ATP13A1: variants seen among roughly 807,000 people sequenced by gnomAD.
ATP13A1 encodes the protein endoplasmic reticulum transmembrane helix translocase.
In ATP13A1, 55 loss-of-function variants were observed where a neutral mutation model predicts 134.8. The ratio of observed to expected loss-of-function variants is 0.41; its 90% CI spans 0.33 to 0.51. The LOEUF (loss-of-function observed/expected upper bound fraction) is 0.51, where lower values mean the gene tolerates loss of function less well. Among genes scored for constraint, ATP13A1 ranks in the 20% least tolerant of loss-of-function variants. The pLI is 0.29. For missense variants in ATP13A1, 1,389 were observed against 1,652.8 expected, an observed-to-expected ratio of 0.84 and a Z score of 2.77; for synonymous variants, 775 against 725.1, an observed-to-expected ratio of 1.07 and a Z score of -1.10.
chr19:19,658,425 C>T (rs967573475), intron 3 of ATP13A1, among the ~76,000 whole-genome samples: 11 of 152,168 alleles, frequency 7.2e-5, no homozygotes, highest in Middle Eastern at 3.2e-3. Flanking sequence ...TGAAAGGGAA[C>T]GTAGTTGCCA....
chr19:19,657,071 C>G lies in ATP13A1; in HGVS notation c.829G>C (p.Glu277Gln). ...VFTLSMLVAF[E>Q]ASLVQQQMRN... ...ATCTGCTGCTGCACCAGCGAGGCCTCGAACGCCACCAGCATGGATAGCGTA... is the reference window on the plus strand; with the variant it reads ...ATCTGCTGCTGCACCAGCGAGGCCTGGAACGCCACCAGCATGGATAGCGTA... The change falls in exon 5 of 26, where the codon GAG becomes CAG. Residue 277 changes from glutamate to glutamine, a missense_variant. This residue lies in a region of ATP13A1 where 747 missense variants were observed against 956.1 expected (regional missense o/e 0.78). Coordinates refer to ENST00000357324, the MANE Select transcript of ATP13A1 (RefSeq NM_020410.3). The G allele has an allele frequency of 6.5e-7, 1 of 1,549,822 alleles. No individual in the cohort carries two copies. The highest frequency in any genetic ancestry group is 2.3e-5 in the East Asian group (1 of 43,976).
chr19:19,646,453 C>T, intron 22 of ATP13A1, 106 bp from the exon 23 acceptor site: 4 of 1,322,760 alleles, frequency 3.0e-6, no homozygotes, highest in South Asian at 2.7e-5. Flanking sequence ...ACCTTGTGTA[C>T]AGCCACCACC....
intron 3 of ATP13A1, among the ~76,000 whole-genome samples, chr19:19,659,047 C>T (rs185444697): frequency 8.5e-5 from 13 of 152,362 alleles, no homozygotes; most frequent in Admixed American, 5.2e-4. Flanking sequence ...CCCCAGGGCA[C>T]GGGCTTCCAG....
intron 1 of ATP13A1, chr19:19,660,484 TA>T (rs1200745255): frequency 1.9e-3 from 217 of 113,174 alleles, no homozygotes; most frequent in South Asian, 4.5e-3. Flanking sequence ...CTATCTCAAT[TA>T]AAAAAAAAAA....
rs1301745268 is a variant in ATP13A1, at chr19:19,647,897, C to T, written c.2633-138G>A. 3 of 1,144,006 alleles carry T rather than the reference C, an allele frequency of 2.6e-6. No homozygotes were observed. Among genetic ancestry groups the T allele is most frequent in the African/African-American group, 3.1e-5 (2 of 63,832 alleles). The allele number at this position is 1,144,006 out of a possible 1,614,324, so 70.9% of individuals were successfully genotyped here. ...TCCCAGACTTCCCCATTTCACCTGACACCCTAAGGAGACCTCAGAGAGTGC... is the reference window on the plus strand; with the variant it reads ...TCCCAGACTTCCCCATTTCACCTGATACCCTAAGGAGACCTCAGAGAGTGC... On this transcript the variant is annotated intron_variant, in intron 19 of 25. Transcript: ENST00000357324. The surrounding 1 kb of genome is among the most constrained non-coding windows in gnomAD (Gnocchi z 4.8).
Position 19,663,619 on chromosome 19 carries a change from C to T in ATP13A1, c.48G>A (p.Arg16=). The change falls in exon 1 of 26, where the codon CGG becomes CGA. Residue 16 remains arginine (R), a synonymous_variant. Transcript: ENST00000357324. ...AVGNAVPCGA[R]PCGVRPDGQP... Reference sequence around the variant, plus strand: ...GCCCGTCAGGCCGGACCCCGCAAGGCCGGGCCCCGCAGGGCACCGCGTTGC... The same window carrying T: ...GCCCGTCAGGCCGGACCCCGCAAGGTCGGGCCCCGCAGGGCACCGCGTTGC... 1 of 1,373,158 alleles carries T rather than the reference C, an allele frequency of 7.3e-7. No individual in the cohort carries two copies. The highest frequency in any genetic ancestry group is 1.5e-5 in the African/African-American group (1 of 65,490). The allele number at this position is 1,373,158 out of a possible 1,614,324, so 85.1% of individuals were successfully genotyped here. A position where few individuals can be genotyped will look rare whatever the true frequency, so the allele number is the denominator to read the frequency against.
rs2062056858 is a variant in ATP13A1 at position 19,656,217 on chromosome 19, G to A, written c.1084-34C>T. 2.5e-6 allele frequency: 4 copies of A among 1,570,478 alleles called. No individual in the cohort carries two copies. The Admixed American group carries it at 5.4e-5, about 21-fold the overall frequency. ...GAAGATCGTGAATCTGGATGGCCAG[G>A]CCTACCTTGCTTCCTTCTCCATCTG... On this transcript the variant is annotated intron_variant, in intron 7 of 25. Transcript: ENST00000357324. This position sits in a 1 kb window ranked among gnomAD's most constrained non-coding sequence, Gnocchi z 4.6.
chr19:19,650,064 C>T, intron 17 of ATP13A1, 124 bp from the exon 18 acceptor site: 1 of 827,470 alleles, frequency 1.2e-6, no homozygotes, highest in African/African-American at 1.7e-5. Context: ...TCCCTACCCA[C>T]CCAGGTGACC....
rs2062037811 is a variant in ATP13A1, at chr19:19,653,540, G to A, written c.2100+244C>T. On this transcript the variant is annotated intron_variant, in intron 15 of 25. Coordinates refer to ENST00000357324, the MANE Select transcript of ATP13A1 (RefSeq NM_020410.3). The surrounding 1 kb of genome is among the most constrained non-coding windows in gnomAD (Gnocchi z 4.2). ...GACCAGGGCAAAAGAGTAGAGCTAG[G>A]GACACACCAGGACTGGGGCAGGTAA... 1.8e-6 allele frequency: 1 copy of A among 567,708 alleles called. No homozygotes were observed. Among genetic ancestry groups the A allele is most frequent in the African/African-American group, 1.9e-5 (1 of 53,068 alleles). The allele number at this position is 567,708 out of a possible 1,614,324, so 35.2% of individuals were successfully genotyped here. A position where few individuals can be genotyped will look rare whatever the true frequency, so the allele number is the denominator to read the frequency against.
chr19:19,652,476 G>A (rs901484883), intron 16 of ATP13A1, 119 bp downstream of exon 16: 1 of 1,383,924 alleles, frequency 7.2e-7, no homozygotes, highest in Non-Finnish European at 9.7e-7. Context: ...CTATGATCTT[G>A]CTCAGCTAAA....
At position 19,653,671 on chromosome 19, in the gene ATP13A1, A is replaced by G. The variant is rs1463813643; in HGVS notation, c.2100+113T>C. On this transcript the variant is annotated intron_variant, in intron 15 of 25. Coordinates refer to ENST00000357324, the MANE Select transcript of ATP13A1 (RefSeq NM_020410.3). This position sits in a 1 kb window ranked among gnomAD's most constrained non-coding sequence, Gnocchi z 4.2. ...AAAGGTAGAAGCTGGAGGCGGGGCAAGGAGGACAAAATCACAACCATTCAA... is the reference window on the plus strand; with the variant it reads ...AAAGGTAGAAGCTGGAGGCGGGGCAGGGAGGACAAAATCACAACCATTCAA... 21 of 1,008,392 alleles carry G rather than the reference A, an allele frequency of 2.1e-5. No individual in the cohort carries two copies. The highest frequency in any genetic ancestry group is 3.2e-5 in the South Asian group (2 of 62,266). The allele number at this position is 1,008,392 out of a possible 1,614,324, so 62.5% of individuals were successfully genotyped here.
chr19:19,663,460 T>C lies in ATP13A1; in HGVS notation c.207A>G (p.Pro69=), dbSNP rs1214999823. Residue 69 remains proline, a synonymous_variant, in exon 1 of 26, where the codon CCA becomes CCG. Coordinates refer to ENST00000357324, the MANE Select transcript of ATP13A1 (RefSeq NM_020410.3). ...AGGCCGGGTAAAGCAGCCCGGCGAA[T>C]GGCAGCACCGTGAGGCGCCGCAACA... is the stretch of plus-strand genomic sequence containing the variant. The part of the protein sequence containing the change: ...LALLRRLTVL[P]FAGLLYPAWL... 3.9e-6 allele frequency: 6 copies of C among 1,547,144 alleles called. No individual in the cohort carries two copies. The highest frequency in any genetic ancestry group is 5.2e-6 in the Non-Finnish European group (6 of 1,149,922).
rs1297210116 is a variant in ATP13A1 at position 19,647,663 on chromosome 19, G to A, written c.2729C>T (p.Thr910Ile). ...CGACCGCTGCTTGGCTGTCCTGGAG[G>A]TGGCTCTGATGCCACTGTTGCTCAG... ...PTLSNSGIRA[T>I]SRTAKQRSGL... Residue 910 changes from threonine (T) to isoleucine (I), a missense_variant, in exon 20 of 26, where the codon ACC (threonine) becomes ATC (isoleucine). Around this residue, in one of 4 missense-constraint regions of ATP13A1, gnomAD observed 121 missense variants for 104.9 expected, o/e 1.15. Transcript: ENST00000357324. This position sits in a 1 kb window ranked among gnomAD's most constrained non-coding sequence, Gnocchi z 4.8. The A allele has an allele frequency of 6.2e-7, 1 of 1,613,044 alleles. No homozygotes were observed. Among genetic ancestry groups the A allele is most frequent in the South Asian group, 1.1e-5 (1 of 91,072 alleles).
chr19:19,662,282 GA>G (rs1363320538), intron 1 of ATP13A1: 6 of 985,320 alleles, frequency 6.1e-6, no homozygotes, highest in Non-Finnish European at 7.2e-6. Flanking sequence ...CCCTGGGATA[GA>G]TAAGTCTTTT....
At chr19:19,658,522 A>G (rs2062074184) in intron 3 of ATP13A1, among the ~76,000 whole-genome samples, 1 of 152,206 alleles carries the variant, frequency 6.6e-6, no homozygotes, top group South Asian at 2.1e-4. Context: ...TGATAGTTGT[A>G]GTCAACATAT....
rs556683814 is a variant in ATP13A1 at position 19,656,082 on chromosome 19, G to A, written c.1185C>T (p.Pro395=). The part of the protein sequence containing the change: ...FGGTKVVQHI[P]PQKATTGLKP... ...TCAGGCCCGTGGTGGCTTTCTGTGG[G>A]GGGATGTGCTGCACCACCTTGGTGC... The change falls in exon 8 of 26, where the codon CCC becomes CCT. Residue 395 remains proline, a synonymous_variant. Coordinates refer to ENST00000357324, the MANE Select transcript of ATP13A1 (RefSeq NM_020410.3). The surrounding 1 kb of genome is among the most constrained non-coding windows in gnomAD (Gnocchi z 4.6). 6 of 1,613,744 alleles carry A rather than the reference G, an allele frequency of 3.7e-6. No homozygotes were observed. Among genetic ancestry groups the A allele is most frequent in the Middle Eastern group, 1.7e-4 (1 of 6,058 alleles).
At position 19,651,756 on chromosome 19, in the gene ATP13A1, G is replaced by A. The variant is rs777007301; in HGVS notation, c.2268C>T (p.His756=). Residue 756 remains histidine (H), a synonymous_variant, in exon 17 of 26, where the codon CAC becomes CAT. Coordinates refer to ENST00000357324, the MANE Select transcript of ATP13A1 (RefSeq NM_020410.3). ...CAATGAAGTGCAGCTCCTGGGCCACGTGGCATGCAGTGAGCGGGTTGTCTC... is the reference window on the plus strand; with the variant it reads ...CAATGAAGTGCAGCTCCTGGGCCACATGGCATGCAGTGAGCGGGTTGTCTC... ...ITGDNPLTAC[H]VAQELHFIEK... The A allele has an allele frequency of 1.2e-5, 19 of 1,613,216 alleles. No homozygotes were observed. The highest frequency in any genetic ancestry group is 3.3e-5 in the Admixed American group (2 of 59,922).
At chr19:19,646,552 G>C (rs1568424730) in intron 22 of ATP13A1, 1 of 631,200 alleles carries the variant, frequency 1.6e-6, no homozygotes, top group Non-Finnish European at 2.7e-6. Context: ...CCCTGGCCCC[G>C]GCTCCGCCAT....
intron 1 of ATP13A1, 169 bp downstream of exon 1, chr19:19,663,101 GC>G (rs1488244213): frequency 2.1e-6 from 2 of 949,950 alleles, no homozygotes; most frequent in South Asian, 2.8e-5. Flanking sequence ...CAGCAAGTCA[GC>G]AGTGGGGTCA....
Sources: allele counts gnomAD v4.1 joint callset (sites outside exome capture counted in the v4.1 genomes callset), GRCh38; gene constraint gnomAD v4.1.1; regional missense constraint gnomAD v4.1.1; non-coding constraint Gnocchi (gnomAD v3.1); transcripts MANE v1.5; gene names NCBI Gene and HGNC (gene_info 2026-07-23, HGNC 2026-07-21).